Variants in LAMA5 observed in about 807,000 individuals in gnomAD.
The protein encoded by LAMA5 is laminin subunit alpha-5.
A neutral mutation model predicts 433.4 loss-of-function variants in LAMA5; 260 were observed. The ratio of observed to expected loss-of-function variants is 0.60; its 90% confidence interval spans 0.54 to 0.66. The LOEUF is 0.66. Ranked by LOEUF, LAMA5 falls within the 30% of genes least tolerant of loss-of-function variation. The pLI is 0.00. For missense variants in LAMA5, 5,378 were observed against 5,258.5 expected (o/e 1.02, Z -0.70); for synonymous variants, 2,620 against 2,226.6 (o/e 1.18, Z -4.97).
At chr20:62,332,218 G>A (rs1980599204) in intron 28 of LAMA5, among the ~76,000 whole-genome samples, 154 bp downstream of exon 28, 1 of 152,364 alleles carries the variant, frequency 6.6e-6, no homozygotes, top group South Asian at 2.1e-4. Flanking sequence ...AACGCTTGCA[G>A]GAGGGGTTCC....
intron 1 of LAMA5, among the ~76,000 whole-genome samples, chr20:62,365,646 G>A (rs67072353): frequency 0.15 from 22,622 of 152,136 alleles, 2,008 homozygotes; most frequent in Non-Finnish European, 0.21. Context: ...TCCGTCCTGA[G>A]ACCCGGCCCC....
chr20:62,366,820 C>T, intron 1 of LAMA5, 129 bp downstream of exon 1: 1 of 1,201,888 alleles, frequency 8.3e-7, no homozygotes, highest in Non-Finnish European at 1.0e-6. Context: ...TTCTTGGGCC[C>T]CCAAAATGCG....
intron 2 of LAMA5, among the ~76,000 whole-genome samples, chr20:62,361,116 G>A (rs761711828): frequency 7.2e-5 from 11 of 152,146 alleles, no homozygotes; most frequent in East Asian, 1.9e-4. Context: ...GAATTCACAC[G>A]TACGCTACAG....
chr20:62,358,153 G>C (rs138059570), intron 2 of LAMA5, among the ~76,000 whole-genome samples: 7 of 152,254 alleles, frequency 4.6e-5, no homozygotes, highest in Admixed American at 6.5e-5. Flanking sequence ...AGGTCTGGCC[G>C]TGCAGCCACC....
At position 62,334,614 on chromosome 20, in the gene LAMA5, C is replaced by A. The variant is rs990661488; in HGVS notation, c.2490G>T (p.Arg830=). The A allele has an allele frequency of 6.5e-7, 1 of 1,546,612 alleles. No individual in the cohort carries two copies. The highest frequency in any genetic ancestry group is 1.2e-5 in the South Asian group (1 of 84,014). ...GGCCCAGTGCACCGCCAATGTCACA[C>A]CGGCAGCCTGCAGGGAGAAGGTGGG... is the stretch of plus-strand genomic sequence containing the variant. ...QADYFGCRSC[R]CDIGGALGQS... The change falls in exon 21 of 80, where the codon CGG becomes CGT. Residue 830 remains arginine (R), a synonymous_variant. Coordinates refer to ENST00000252999, the MANE Select transcript of LAMA5 (RefSeq NM_005560.6).
chr20:62,351,880 C>T lies in LAMA5; in HGVS notation c.858+29G>A, dbSNP rs966723490. The T allele has an allele frequency of 2.5e-6, 4 of 1,576,240 alleles. No individual in the cohort carries two copies. The African/African-American group carries it at 5.4e-5, about 21-fold the overall frequency. ...TCCCGGGTCCACCCGGCCAGTCCCC[C>T]TCCCCCGCCTGCGCCATGGGCAGCT... On this transcript the variant is annotated intron_variant, in intron 5 of 79. Transcript: ENST00000252999.
intron 45 of LAMA5, among the ~76,000 whole-genome samples, 163 bp downstream of exon 45, chr20:62,323,293 C>CG (rs1243773786): frequency 2.6e-5 from 4 of 151,214 alleles, no homozygotes; most frequent in Non-Finnish European, 5.9e-5. Flanking sequence ...CGGATCATAG[C>CG]GGGGGAGAAA....
intron 1 of LAMA5, among the ~76,000 whole-genome samples, chr20:62,366,395 C>T (rs575464947): frequency 1.3e-5 from 2 of 152,324 alleles, no homozygotes; most frequent in East Asian, 1.9e-4. Flanking sequence ...GAGATGCTGC[C>T]CCTCCTGGGA....
chr20:62,339,413 T>C (rs566721773), intron 11 of LAMA5, among the ~76,000 whole-genome samples: 153 of 152,022 alleles, frequency 1.0e-3, no homozygotes, highest in African/African-American at 3.6e-3. Flanking sequence ...AATTTTTGTA[T>C]TTTTAGTAGA....
At chr20:62,309,544 AC>A in intron 79 of LAMA5, 69 bp from the exon 80 acceptor site, 12 of 1,211,366 alleles carry the variant, frequency 9.9e-6, no homozygotes, top group Non-Finnish European at 1.2e-5. Context: ...CCCTTCCCAA[AC>A]GTCAGTGCCC....
chr20:62,336,624 G>A (rs1981676879), intron 17 of LAMA5, 110 bp downstream of exon 17: 2 of 1,354,640 alleles, frequency 1.5e-6, no homozygotes, highest in Non-Finnish European at 1.0e-6. Flanking sequence ...CCCTGGGGTT[G>A]CCATGGCAAC....
intron 11 of LAMA5, among the ~76,000 whole-genome samples, chr20:62,340,811 G>T (rs982022613): frequency 1.3e-5 from 2 of 151,736 alleles, no homozygotes; most frequent in African/African-American, 4.8e-5. Flanking sequence ...GAGGTGGGTG[G>T]ATCAACTGAG....
chr20:62,352,969 T>TA (rs1406403800), intron 3 of LAMA5, 165 bp downstream of exon 3: 2 of 566,758 alleles, frequency 3.5e-6, no homozygotes, highest in Non-Finnish European at 6.2e-6. Context: ...CAGGAGCCAA[T>TA]AAATCCCCAT....
chr20:62,317,521 C>A (rs1158073100), intron 54 of LAMA5, 22 bp from the exon 55 acceptor site: 2 of 1,533,216 alleles, frequency 1.3e-6, no homozygotes. Context: ...GTGGACTTAG[C>A]CCCTCATCCT....
At chr20:62,341,363 G>T (rs1403228387) in intron 11 of LAMA5, among the ~76,000 whole-genome samples, 1 of 152,172 alleles carries the variant, frequency 6.6e-6, no homozygotes, top group East Asian at 1.9e-4. Context: ...ATACTCTGAG[G>T]AAAATTTATA....
rs1203858083 is a variant in LAMA5, at chr20:62,342,275, C to T, written c.1477+3543G>A. The T allele has an allele frequency of 5.4e-5, 19 of 354,400 alleles. No individual in the cohort carries two copies. In the East Asian group the frequency reaches 5.5e-4, roughly 10 times the overall value. The allele number at this position is 354,400 out of a possible 1,614,324, so 22.0% of individuals were successfully genotyped here. A position where few individuals can be genotyped will look rare whatever the true frequency, so the allele number is the denominator to read the frequency against. ...CCGAGATCGTGCAACTGCACTCCAGCCTGGACGACAGAGTGAAACTCCATC... is the reference window on the plus strand; with the variant it reads ...CCGAGATCGTGCAACTGCACTCCAGTCTGGACGACAGAGTGAAACTCCATC... On this transcript the variant is annotated intron_variant, in intron 11 of 79. Coordinates refer to ENST00000252999, the MANE Select transcript of LAMA5 (RefSeq NM_005560.6).
chr20:62,366,180 C>T (rs1309403565), intron 1 of LAMA5, among the ~76,000 whole-genome samples: 1 of 152,192 alleles, frequency 6.6e-6, no homozygotes, highest in African/African-American at 2.4e-5. Flanking sequence ...TCACCCAAGG[C>T]TGACCCCAGG....
chr20:62,362,310 G>T, intron 2 of LAMA5, 90 bp downstream of exon 2: 1 of 1,277,972 alleles, frequency 7.8e-7, no homozygotes, highest in Non-Finnish European at 1.0e-6. Flanking sequence ...TCACGGTGGA[G>T]ACCTCGCCTT....
At chr20:62,330,666 C>A in intron 30 of LAMA5, 52 bp from the exon 31 acceptor site, 1 of 1,562,092 alleles carries the variant, frequency 6.4e-7, no homozygotes, top group African/African-American at 1.3e-5. Flanking sequence ...CCTGCTGCCC[C>A]CTGGACAACC....
Sources: gnomAD v4.1 joint callset for allele counts (sites outside exome capture counted in the v4.1 genomes callset) on GRCh38, gnomAD v4.1.1 for gene constraint, MANE v1.5 for transcripts, NCBI Gene and HGNC (gene_info 2026-07-23, HGNC 2026-07-21) for gene names.